ADIPOR2: variants seen among roughly 807,000 people sequenced by gnomAD.
ADIPOR2 encodes the protein adiponectin receptor protein 2.
In ADIPOR2, 18 loss-of-function variants were observed where a neutral mutation model predicts 40.9. The observed-to-expected ratio is 0.44, with a 90% CI of 0.30 to 0.65. The LOEUF (loss-of-function observed/expected upper bound fraction) is 0.65. ADIPOR2 is among the 30% of genes least tolerant of loss of function. ADIPOR2 has a pLI of 0.09. For missense variants in ADIPOR2, 283 were observed against 479.2 expected (o/e 0.59, Z 3.82); for synonymous variants, 165 against 166.4 (o/e 0.99, Z 0.06).
In ADIPOR2 at chr12:1,745,108, A is replaced by ACC. The variant is rs557415063; in HGVS notation, c.-86-9150_-86-9149insCC. 1.8e-4 allele frequency among the ~76,000 whole-genome samples: 27 copies of ACC among 152,342 alleles called. No homozygotes were observed. In the South Asian group the frequency reaches 5.4e-3, roughly 30 times the overall value. On this transcript the variant is annotated intron_variant, in intron 1 of 7. Coordinates refer to ENST00000357103, the MANE Select transcript of ADIPOR2 (RefSeq NM_024551.3). ...TGCCCATTTGAGAGGAATGAGCAGG[A>ACC]ACCTTGTGGTGGTGAAAGTCAACAA...
intron 1 of ADIPOR2, among the ~76,000 whole-genome samples, chr12:1,707,035 C>T (rs1020936766): frequency 1.3e-5 from 2 of 152,192 alleles, no homozygotes; most frequent in African/African-American, 4.8e-5. Flanking sequence ...TGTACATATT[C>T]TTTAATGCCT....
intron 2 of ADIPOR2, among the ~76,000 whole-genome samples, chr12:1,765,070 G>A (rs1197399198): frequency 1.3e-5 from 2 of 152,036 alleles, no homozygotes; most frequent in Non-Finnish European, 2.9e-5. Context: ...GAATTACTGC[G>A]TTAGGAAGAT....
chr12:1,726,612 T>C (rs867470850), intron 1 of ADIPOR2, among the ~76,000 whole-genome samples: 4 of 152,190 alleles, frequency 2.6e-5, no homozygotes, highest in African/African-American at 7.2e-5. Context: ...TGTAATACTT[T>C]GTGTGTTTCA....
rs1862634167 is a variant in ADIPOR2 at position 1,777,942 on chromosome 12, C to T, written c.380C>T (p.Pro127Leu). 6.2e-7 allele frequency: 1 copy of T among 1,613,966 alleles called. No individual in the cohort carries two copies. The highest frequency in any genetic ancestry group is 1.7e-5 in the Admixed American group (1 of 59,992). Residue 127 changes from proline (P) to leucine (L), a missense_variant, in exon 4 of 8, where the codon CCT (proline) becomes CTT (leucine). Physicochemically the swap from Pro to Leu is moderately conservative, Grantham distance 98 (BLOSUM62 -3). Around this residue, in one of 3 missense-constraint regions of ADIPOR2, gnomAD observed 112 missense variants for 249.5 expected, o/e 0.45. Transcript: ENST00000357103. ...DNDFLLHGHRPPMPSFRACFK... is the reference protein window; with the variant it reads ...DNDFLLHGHRLPMPSFRACFK... ...GACTTCCTCTTGCATGGACACCGGC[C>T]TCCTATGCCTTCTTTCCGGGCCTGT...
chr12:1,718,074 A>G (rs527372246), intron 1 of ADIPOR2, among the ~76,000 whole-genome samples: 1 of 152,302 alleles, frequency 6.6e-6, no homozygotes, highest in South Asian at 2.1e-4. Flanking sequence ...TTACATGTAT[A>G]CCTGCTTTTC....
intron 1 of ADIPOR2, among the ~76,000 whole-genome samples, chr12:1,738,934 T>G (rs1450021420): frequency 6.6e-6 from 1 of 152,240 alleles, no homozygotes; most frequent in Non-Finnish European, 1.5e-5. Flanking sequence ...TTGGGGAGAT[T>G]ATTTGTTTTC....
intron 1 of ADIPOR2, among the ~76,000 whole-genome samples, chr12:1,748,726 C>T (rs937657214): frequency 1.3e-5 from 2 of 151,750 alleles, no homozygotes; most frequent in Non-Finnish European, 2.9e-5. Flanking sequence ...TATTTGTAAA[C>T]GTGTTTAGGG....
At chr12:1,738,655 T>G (rs1358272056) in intron 1 of ADIPOR2, among the ~76,000 whole-genome samples, 1 of 152,196 alleles carries the variant, frequency 6.6e-6, no homozygotes, top group African/African-American at 2.4e-5. Context: ...GGTCCCCCTT[T>G]GACCTTCTTT....
In ADIPOR2 at chr12:1,745,450, C is replaced by T. The variant is rs545037682; in HGVS notation, c.-86-8808C>T. Among the ~76,000 whole-genome samples, 24 of 152,226 alleles carry T rather than the reference C, an allele frequency of 1.6e-4. No individual in the cohort carries two copies. In the South Asian group the frequency reaches 3.9e-3, roughly 25 times the overall value. ...TAAATTTTTTTGTTAGATTTGTATA[C>T]GCTGAATGAATTTATATGTCTATGG... On this transcript the variant is annotated intron_variant, in intron 1 of 7. Transcript: ENST00000357103.
At chr12:1,747,481 C>T (rs1297239679) in intron 1 of ADIPOR2, among the ~76,000 whole-genome samples, 2 of 152,122 alleles carry the variant, frequency 1.3e-5, no homozygotes, top group Non-Finnish European at 2.9e-5. Context: ...AAAAGGTAAA[C>T]ATTTATATAA....
chr12:1,777,394 T>C (rs1862619469), intron 3 of ADIPOR2, among the ~76,000 whole-genome samples: 1 of 147,010 alleles, frequency 6.8e-6, no homozygotes. Context: ...TTTTTTTTTT[T>C]TTTTTTTTTG....
chr12:1,757,668 A>G, intron 2 of ADIPOR2: 2 of 1,291,944 alleles, frequency 1.5e-6, no homozygotes, highest in Non-Finnish European at 2.3e-6. Flanking sequence ...TGGCCTCCTC[A>G]GGTGTAATAG....
chr12:1,770,404 G>C (rs1244965047), intron 2 of ADIPOR2, among the ~76,000 whole-genome samples: 1 of 152,126 alleles, frequency 6.6e-6, no homozygotes, highest in Admixed American at 6.5e-5. Flanking sequence ...CTTTGTTTCT[G>C]TTTCTTTGGA....
At chr12:1,753,004 A>G (rs1035385053) in intron 1 of ADIPOR2, among the ~76,000 whole-genome samples, 1 of 152,202 alleles carries the variant, frequency 6.6e-6, no homozygotes, top group Non-Finnish European at 1.5e-5. Flanking sequence ...AAGCCCTTGG[A>G]GAAATCCTAC....
intron 1 of ADIPOR2, among the ~76,000 whole-genome samples, chr12:1,715,052 ATTTCT>A (rs1226209077): frequency 6.6e-6 from 1 of 151,722 alleles, no homozygotes; most frequent in Non-Finnish European, 1.5e-5. Flanking sequence ...TCCTTTGGAG[ATTTCT>A]TTGCTTGTTT....
At chr12:1,744,510 A>AT (rs1259843350) in intron 1 of ADIPOR2, among the ~76,000 whole-genome samples, 2 of 150,740 alleles carry the variant, frequency 1.3e-5, no homozygotes, top group Non-Finnish European at 2.9e-5. Context: ...TAATTTTTGT[A>AT]TTTTTTTGTA....
intron 1 of ADIPOR2, among the ~76,000 whole-genome samples, chr12:1,737,052 C>T (rs574150768): frequency 1.3e-5 from 2 of 152,316 alleles, no homozygotes; most frequent in Admixed American, 6.5e-5. Context: ...AGCCATGAGA[C>T]TGAGCAACCT....
chr12:1,759,903 T>G (rs1862231536), intron 2 of ADIPOR2, among the ~76,000 whole-genome samples: 1 of 152,024 alleles, frequency 6.6e-6, no homozygotes, highest in African/African-American at 2.4e-5. Context: ...CAGGCACCTA[T>G]AATCCCGGCT....
At chr12:1,775,183 C>T (rs1017372819) in intron 3 of ADIPOR2, among the ~76,000 whole-genome samples, 3 of 152,224 alleles carry the variant, frequency 2.0e-5, no homozygotes, top group African/African-American at 4.8e-5. Context: ...AATATATCCA[C>T]ATACCCAGTG....
Sources: gnomAD v4.1 joint callset for allele counts (sites outside exome capture counted in the v4.1 genomes callset) on GRCh38, gnomAD v4.1.1 for gene constraint, gnomAD v4.1.1 regional missense constraint, MANE v1.5 for transcripts, NCBI Gene and HGNC (gene_info 2026-07-23, HGNC 2026-07-21) for gene names.